Variants in IL20RB observed in about 807,000 individuals in gnomAD.
The protein encoded by IL20RB is interleukin 20 receptor subunit beta.
A neutral mutation model predicts 33.3 loss-of-function variants in IL20RB; 21 were observed. That is an observed-to-expected ratio of 0.63 (90% confidence interval 0.45 to 0.91). IL20RB has a LOEUF of 0.91. IL20RB is among the 40% of genes least tolerant of loss of function. IL20RB has a pLI of 0.00. For missense variants in IL20RB, 345 were observed against 384.8 expected (o/e 0.90, Z 0.86); for synonymous variants, 147 against 146.8 (o/e 1.00, Z -0.01).
chr3:136,989,345 G>A lies in IL20RB; in HGVS notation c.407-96G>A, dbSNP rs1941983502. 2.1e-6 allele frequency: 3 copies of A among 1,430,810 alleles called. No individual in the cohort carries two copies. The South Asian group carries it at 3.6e-5, about 17-fold the overall frequency. 88.6% of individuals were successfully genotyped at this position (1,430,810 alleles called of 1,614,324 possible). On this transcript the variant is annotated intron_variant, in intron 3 of 6. Transcript: ENST00000329582. ...GCAGACTCCCTTCCTCTCCTACGGA[G>A]ACGGACATATTTCCATACATGACCC...
rs1411573825 is a variant in IL20RB, at chr3:136,958,071, T to C, written c.-43T>C. On this transcript the variant is annotated 5_prime_UTR_variant, in exon 1 of 7. Transcript: ENST00000329582. ...TGGCTGAGATGGACAGAATGCTTTA[T>C]TTTGGAAAGAAACAATGTTCTAGGT... is the stretch of plus-strand genomic sequence containing the variant. 8.3e-7 allele frequency: 1 copy of C among 1,198,154 alleles called. No individual in the cohort carries two copies. The highest frequency in any genetic ancestry group is 1.5e-5 in the African/African-American group (1 of 66,458). 74.2% of individuals were successfully genotyped at this position (1,198,154 alleles called of 1,614,324 possible). A position where few individuals can be genotyped will look rare whatever the true frequency, so the allele number is the denominator to read the frequency against.
chr3:136,995,483 C>T lies in IL20RB; in HGVS notation c.752C>T (p.Pro251Leu). The T allele has an allele frequency of 6.2e-7, 1 of 1,614,124 alleles. No homozygotes were observed. Among genetic ancestry groups the T allele is most frequent in the Non-Finnish European group, 8.5e-7 (1 of 1,180,020 alleles). The change falls in exon 6 of 7, where the codon CCA becomes CTA. Residue 251 changes from proline to leucine, a missense_variant. By Grantham distance (98) the Pro-to-Leu change is moderately conservative. Coordinates refer to ENST00000329582, the MANE Select transcript of IL20RB (RefSeq NM_144717.4). ...TTCATGCTGATCCTTGTGGTCGTGC[C>T]ACTGTTCGTCTGGAAAATGGGCCGG... ...VGFMLILVVV[P>L]LFVWKMGRLL... is the part of the protein sequence containing the mutation.
At chr3:136,998,129 CT>C (rs35491086) in intron 6 of IL20RB, among the ~76,000 whole-genome samples, 70,614 of 119,394 alleles carry the variant, frequency 0.59, 20,076 homozygotes, top group East Asian at 0.85. Flanking sequence ...ATTTTCTTTT[CT>C]TTTTTTTTTT....
intron 4 of IL20RB, 40 bp from the exon 5 acceptor site, chr3:136,991,898 C>T: frequency 1.9e-6 from 3 of 1,603,046 alleles, no homozygotes; most frequent in Non-Finnish European, 1.7e-6. Context: ...GCGTGAGCCA[C>T]CGCACTTGGC....
chr3:136,963,674 GTTC>G (rs1279654620), intron 1 of IL20RB, among the ~76,000 whole-genome samples: 1 of 101,036 alleles, frequency 9.9e-6, no homozygotes, highest in African/African-American at 4.1e-5. Context: ...CTAGATACTA[GTTC>G]TTTTTTTTTT....
rs1321606401 is a variant in IL20RB, at chr3:137,010,292, T to C, written c.*69T>C. The C allele has an allele frequency of 4.6e-5, 36 of 790,216 alleles. No individual in the cohort carries two copies. The East Asian group carries it at 8.6e-4, about 19-fold the overall frequency. The allele number at this position is 790,216 out of a possible 1,614,324, so 49.0% of individuals were successfully genotyped here. A position where few individuals can be genotyped will look rare whatever the true frequency, so the allele number is the denominator to read the frequency against. On this transcript the variant is annotated 3_prime_UTR_variant, in exon 7 of 7. Transcript: ENST00000329582. ...GACATGGAAACCATGAGGGGACAAG[T>C]TGTGTTTCTGTTTTCCGCCACGGAC...
Position 136,982,305 on chromosome 3 carries a change from A to T in IL20RB, c.361A>T (p.Thr121Ser), listed in dbSNP as rs758163970. ...TGTCAGGGCCACATTGGGCTCACAG[A>T]CCTCAGCCTGGAGCATCCTGAAGCA... ...LRVRATLGSQ[T>S]SAWSILKHPF... is the part of the protein sequence containing the mutation. Residue 121 changes from threonine to serine, a missense_variant, in exon 3 of 7, where the codon ACC becomes TCC. By Grantham distance (58) the Thr-to-Ser change is moderately conservative. Coordinates refer to ENST00000329582, the MANE Select transcript of IL20RB (RefSeq NM_144717.4). The T allele has an allele frequency of 1.2e-6, 2 of 1,608,592 alleles. No individual in the cohort carries two copies. The highest frequency in any genetic ancestry group is 2.2e-5 in the South Asian group (2 of 90,824).
chr3:136,978,725 A>G (rs995424269), intron 1 of IL20RB, among the ~76,000 whole-genome samples: 16 of 152,146 alleles, frequency 1.1e-4, no homozygotes, highest in Non-Finnish European at 1.9e-4. Context: ...ATATATTTTT[A>G]TGTAGTTTAT....
At chr3:136,958,682 A>G (rs1941111866) in intron 1 of IL20RB, among the ~76,000 whole-genome samples, 1 of 152,226 alleles carries the variant, frequency 6.6e-6, no homozygotes, top group African/African-American at 2.4e-5. Flanking sequence ...AAGGTACTCC[A>G]TAGCATTCTA....
intron 4 of IL20RB, among the ~76,000 whole-genome samples, chr3:136,991,445 A>C (rs1041160850): frequency 2.6e-5 from 4 of 152,192 alleles, no homozygotes; most frequent in African/African-American, 9.7e-5. Flanking sequence ...CCTAGCACAT[A>C]GTAGGTACTT....
intron 1 of IL20RB, among the ~76,000 whole-genome samples, chr3:136,970,725 T>C (rs1207617514): frequency 6.6e-6 from 1 of 151,536 alleles, no homozygotes; most frequent in Admixed American, 6.6e-5. Flanking sequence ...CAATTTCAGC[T>C]CACTGCAACC....
intron 3 of IL20RB, among the ~76,000 whole-genome samples, chr3:136,983,840 G>GTTTT (rs1289803879): frequency 6.6e-6 from 1 of 152,118 alleles, no homozygotes; most frequent in Admixed American, 6.5e-5. Context: ...TTGTTTGTTT[G>GTTTT]TTTGTTTTGT....
At chr3:136,977,937 C>A (rs1465646196) in intron 1 of IL20RB, among the ~76,000 whole-genome samples, 1 of 152,076 alleles carries the variant, frequency 6.6e-6, no homozygotes, top group African/African-American at 2.4e-5. Context: ...ATCTATATTT[C>A]TTTTACTTAT....
rs183195454 is a variant in IL20RB, at chr3:136,986,654, G to A, written c.407-2787G>A. On this transcript the variant is annotated intron_variant, in intron 3 of 6. Coordinates refer to ENST00000329582, the MANE Select transcript of IL20RB (RefSeq NM_144717.4). The stretch of plus-strand genomic sequence containing the variant: ...CATAAACACTTCTCTGATGAGGGAC[G>A]CGATGGGGAAAGGCTTTGTTCTCTG... 2.3e-4 allele frequency: 104 copies of A among 456,656 alleles called. 1 individual carries two copies. The East Asian group carries it at 5.0e-3, about 22-fold the overall frequency. 28.3% of individuals were successfully genotyped at this position (456,656 alleles called of 1,614,324 possible).
chr3:136,997,430 C>T (rs536960413), intron 6 of IL20RB, among the ~76,000 whole-genome samples: 3 of 152,030 alleles, frequency 2.0e-5, no homozygotes, highest in South Asian at 2.1e-4. Context: ...TAATGTATTT[C>T]GAGGCTCTGT....
At chr3:136,980,015 A>T (rs1007775173) in intron 1 of IL20RB, among the ~76,000 whole-genome samples, 2 of 152,230 alleles carry the variant, frequency 1.3e-5, no homozygotes, top group African/African-American at 4.8e-5. Context: ...AGAGTCATAA[A>T]TAATGTGACT....
At chr3:136,976,217 G>T (rs964651433) in intron 1 of IL20RB, among the ~76,000 whole-genome samples, 2 of 152,198 alleles carry the variant, frequency 1.3e-5, no homozygotes, top group Non-Finnish European at 2.9e-5. Context: ...CTCAGAGAAG[G>T]GAGTGAAGCT....
chr3:136,959,077 G>C (rs149591439), intron 1 of IL20RB: 2 of 151,976 alleles, frequency 1.3e-5, no homozygotes, highest in African/African-American at 4.8e-5. Context: ...AATTTATGGT[G>C]TTCTTTCCTA....
chr3:136,984,493 G>A (rs186954750), intron 3 of IL20RB, among the ~76,000 whole-genome samples: 5 of 152,186 alleles, frequency 3.3e-5, no homozygotes, highest in Admixed American at 2.6e-4. Context: ...CTCTGTTTTC[G>A]TGATGTGGCA....
Sources: allele counts gnomAD v4.1 joint callset (sites outside exome capture counted in the v4.1 genomes callset), GRCh38; gene constraint gnomAD v4.1.1; transcripts MANE v1.5; gene names NCBI Gene and HGNC (gene_info 2026-07-23, HGNC 2026-07-21).